GNA11: variants seen among roughly 807,000 people sequenced by gnomAD.
GNA11 encodes the protein G protein subunit alpha 11, also known as guanine nucleotide-binding protein subunit alpha-11.
GNA11 carries 8 observed loss-of-function variants against 38.2 expected under a neutral mutation model. The observed-to-expected ratio is 0.21, with a 90% confidence interval of 0.12 to 0.38. The LOEUF is 0.38. Among genes scored for constraint, GNA11 ranks in the 10% least tolerant of loss-of-function variants. GNA11 has a pLI of 1.00. For missense variants in GNA11, 268 were observed against 516.3 expected (o/e 0.52, Z 4.66); for synonymous variants, 211 against 221.4 (o/e 0.95, Z 0.42).
intron 1 of GNA11, among the ~76,000 whole-genome samples, chr19:3,106,549 C>T (rs1913643863): frequency 6.6e-6 from 1 of 152,236 alleles, no homozygotes; most frequent in South Asian, 2.1e-4. Flanking sequence ...CCCAGAACTC[C>T]TGCTGGGCTC....
intron 2 of GNA11, among the ~76,000 whole-genome samples, chr19:3,112,762 G>A (rs573886612): frequency 4.6e-5 from 7 of 152,380 alleles, no homozygotes; most frequent in African/African-American, 1.7e-4. Context: ...TGTGGTATCT[G>A]CTCTTGATGA....
chr19:3,101,769 A>G (rs201030965), intron 1 of GNA11, among the ~76,000 whole-genome samples: 1 of 152,190 alleles, frequency 6.6e-6, no homozygotes, highest in Non-Finnish European at 1.5e-5. Context: ...TGGCTGTGGG[A>G]AGACCCAGCA....
At chr19:3,096,398 A>G (rs942381034) in intron 1 of GNA11, among the ~76,000 whole-genome samples, 3 of 151,952 alleles carry the variant, frequency 2.0e-5, no homozygotes, top group African/African-American at 7.3e-5. Context: ...TGGGTCGTGG[A>G]CTTTGTTTGG....
chr19:3,096,288 C>CAT (rs1913363840), intron 1 of GNA11, among the ~76,000 whole-genome samples: 1 of 140,834 alleles, frequency 7.1e-6, no homozygotes, highest in Non-Finnish European at 1.6e-5. Context: ...TCCAGGGGGC[C>CAT]GCGGGTAGGC....
rs1913304009 is a variant in GNA11 at position 3,094,393 on chromosome 19, G to C, written c.-259G>C. ...TCCGGCGCTGTCGCTCGGTTGCGGC[G>C]GCTGCGGTTGGCGGTGGCTGCGGCG... On this transcript the variant is annotated 5_prime_UTR_variant, in exon 1 of 7. Transcript: ENST00000078429. This position sits in a 1 kb window ranked among gnomAD's most constrained non-coding sequence, Gnocchi z 6.0. 6.7e-6 allele frequency: 1 copy of C among 149,384 alleles called. No individual in the cohort carries two copies. Among genetic ancestry groups the C allele is most frequent in the Non-Finnish European group, 1.5e-5 (1 of 66,774 alleles). The allele number at this position is 149,384 out of a possible 1,614,324, so 9.3% of individuals were successfully genotyped here.
intron 3 of GNA11, 112 bp downstream of exon 3, chr19:3,113,596 G>A: frequency 2.5e-6 from 2 of 803,288 alleles, no homozygotes; most frequent in Non-Finnish European, 3.8e-6. Context: ...TGCTCGCCGG[G>A]GGCAGGGATG....
rs1914151898 is a variant in GNA11, at chr19:3,123,917, C to G, written c.*2738C>G. On this transcript the variant is annotated 3_prime_UTR_variant, in exon 7 of 7. Coordinates refer to ENST00000078429, the MANE Select transcript of GNA11 (RefSeq NM_002067.5). ...ACAGCCACCGGCCCTGACCCTTAAT[C>G]CAGACACCGATGGAAGTCGACTTTT... The G allele has an allele frequency of 4.3e-6, 1 of 232,116 alleles. No homozygotes were observed. The highest frequency in any genetic ancestry group is 8.5e-6 in the Non-Finnish European group (1 of 117,376). 14.4% of individuals were successfully genotyped at this position (232,116 alleles called of 1,614,324 possible). A position where few individuals can be genotyped will look rare whatever the true frequency, so the allele number is the denominator to read the frequency against.
At chr19:3,112,002 A>G (rs1352935161) in intron 2 of GNA11, among the ~76,000 whole-genome samples, 1 of 152,242 alleles carries the variant, frequency 6.6e-6, no homozygotes, top group Admixed American at 6.5e-5. Context: ...CTTCTGAAAC[A>G]CGCATCTGCA....
At chr19:3,096,907 G>A (rs1344708156) in intron 1 of GNA11, among the ~76,000 whole-genome samples, 4 of 152,332 alleles carry the variant, frequency 2.6e-5, no homozygotes, top group African/African-American at 9.6e-5. Context: ...CACCCAAGGT[G>A]TTGGAGCCAG....
At chr19:3,115,219 C>T in intron 4 of GNA11, 147 bp downstream of exon 4, 1 of 848,792 alleles carries the variant, frequency 1.2e-6, no homozygotes, top group South Asian at 1.7e-5. Context: ...CCCTGGGCAA[C>T]ATAGCCAGAC....
At position 3,122,070 on chromosome 19, in the gene GNA11, G is replaced by A. The variant is rs1335743520; in HGVS notation, c.*891G>A. 5 of 233,150 alleles carry A rather than the reference G, an allele frequency of 2.1e-5. No individual in the cohort carries two copies. The highest frequency in any genetic ancestry group is 5.6e-5 in the Admixed American group (1 of 17,766). The allele number at this position is 233,150 out of a possible 1,614,324, so 14.4% of individuals were successfully genotyped here. A position where few individuals can be genotyped will look rare whatever the true frequency, so the allele number is the denominator to read the frequency against. On this transcript the variant is annotated 3_prime_UTR_variant, in exon 7 of 7. Coordinates refer to ENST00000078429, the MANE Select transcript of GNA11 (RefSeq NM_002067.5). This position sits in a 1 kb window ranked among gnomAD's most constrained non-coding sequence, Gnocchi z 7.7. ...ACGGCCACCCTGCCCTGGCTAGAGC[G>A]CACCCCACCGGAGCCCACGTGGGCT... is the stretch of plus-strand genomic sequence containing the variant.
At chr19:3,100,990 C>G (rs1398221245) in intron 1 of GNA11, among the ~76,000 whole-genome samples, 2 of 152,178 alleles carry the variant, frequency 1.3e-5, no homozygotes, top group Non-Finnish European at 2.9e-5. Flanking sequence ...ATGGGGACCC[C>G]AAGGCCTGGG....
At chr19:3,115,882 G>A (rs1342909133) in intron 4 of GNA11, among the ~76,000 whole-genome samples, 1 of 143,442 alleles carries the variant, frequency 7.0e-6, no homozygotes, top group Non-Finnish European at 1.5e-5. Flanking sequence ...GTGAGGGGAG[G>A]AGGGGTCATA....
chr19:3,100,704 C>T (rs1265728627), intron 1 of GNA11, among the ~76,000 whole-genome samples: 1 of 152,116 alleles, frequency 6.6e-6, no homozygotes, highest in Non-Finnish European at 1.5e-5. Context: ...GCCTGGGCTG[C>T]CCTGGGCTGG....
At chr19:3,111,787 G>A (rs936095224) in intron 2 of GNA11, among the ~76,000 whole-genome samples, 4 of 152,210 alleles carry the variant, frequency 2.6e-5, no homozygotes, top group Non-Finnish European at 5.9e-5. Flanking sequence ...CCCAGCAGCC[G>A]TGCAGCCGTG....
intron 1 of GNA11, among the ~76,000 whole-genome samples, chr19:3,109,185 G>T (rs1390712506): frequency 6.6e-6 from 1 of 152,266 alleles, no homozygotes; most frequent in African/African-American, 2.4e-5. Context: ...TGGCATCCCA[G>T]CGTGTGAGGG....
intron 3 of GNA11, among the ~76,000 whole-genome samples, chr19:3,114,462 C>T (rs1271680092): frequency 2.0e-5 from 3 of 152,168 alleles, no homozygotes; most frequent in African/African-American, 4.8e-5. Flanking sequence ...GCCGCACCCA[C>T]GTACAGGGAG....
At position 3,094,897 on chromosome 19, in the gene GNA11, C is replaced by A; in HGVS notation, c.136+110C>A. ...CGGGGTCAGCCCTGCCTGTGCCGTC[C>A]GGGTCGCGAGACCCTCCGGGGTCAG... is the stretch of plus-strand genomic sequence containing the variant. On this transcript the variant is annotated intron_variant, in intron 1 of 6. Coordinates refer to ENST00000078429, the MANE Select transcript of GNA11 (RefSeq NM_002067.5). The surrounding 1 kb of genome is among the most constrained non-coding windows in gnomAD (Gnocchi z 6.0). 1 of 763,342 alleles carries A rather than the reference C, an allele frequency of 1.3e-6. No homozygotes were observed. Among genetic ancestry groups the A allele is most frequent in the Admixed American group, 4.6e-5 (1 of 21,954 alleles). The allele number at this position is 763,342 out of a possible 1,614,324, so 47.3% of individuals were successfully genotyped here.
intron 1 of GNA11, among the ~76,000 whole-genome samples, chr19:3,101,296 G>C (rs1219039187): frequency 1.3e-5 from 2 of 152,172 alleles, no homozygotes; most frequent in East Asian, 3.9e-4. Flanking sequence ...TGGCTGTTCT[G>C]TTGCCTGTCT....
Sources: gnomAD v4.1 joint callset for allele counts (sites outside exome capture counted in the v4.1 genomes callset) on GRCh38, gnomAD v4.1.1 for gene constraint, Gnocchi (gnomAD v3.1) non-coding constraint, MANE v1.5 for transcripts, NCBI Gene and HGNC (gene_info 2026-07-23, HGNC 2026-07-21) for gene names.